The following TLN2 variants were observed in gnomAD, a reference collection of about 807,000 sequenced individuals.
TLN2 encodes talin-2.
TLN2 carries 118 observed loss-of-function variants against 294.7 expected under a neutral mutation model. The observed-to-expected ratio is 0.40, with a 90% CI of 0.34 to 0.47. The LOEUF (loss-of-function observed/expected upper bound fraction) is 0.47. Among genes scored for constraint, TLN2 ranks in the 20% least tolerant of loss-of-function variants. TLN2 has a pLI of 0.84. For missense variants in TLN2, 3,083 were observed against 3,282.2 expected (o/e 0.94, Z 1.48); for synonymous variants, 1,431 against 1,304.5 (o/e 1.10, Z -2.09).
chr15:62,434,938 C>CA (rs1207102412), intron 1 of TLN2, among the ~76,000 whole-genome samples: 1 of 152,208 alleles, frequency 6.6e-6, no homozygotes, highest in Non-Finnish European at 1.5e-5. Context: ...CCCCAGACCC[C>CA]AAAGTGTGTT....
intron 41 of TLN2, among the ~76,000 whole-genome samples, chr15:62,770,180 T>G (rs1295113105): frequency 6.6e-6 from 1 of 152,228 alleles, no homozygotes; most frequent in Non-Finnish European, 1.5e-5. Flanking sequence ...AAAGCCTCGG[T>G]ATCTTCATGT....
chr15:62,537,251 G>A (rs942734503), intron 1 of TLN2, among the ~76,000 whole-genome samples: 5 of 152,094 alleles, frequency 3.3e-5, no homozygotes, highest in African/African-American at 7.2e-5. Context: ...ATCTGACCTC[G>A]TGATCCGCCC....
At chr15:62,686,893 T>G in intron 12 of TLN2, 97 bp downstream of exon 12, 2 of 1,496,552 alleles carry the variant, frequency 1.3e-6, no homozygotes, top group Non-Finnish European at 1.8e-6. Flanking sequence ...TGGGTTTCTC[T>G]GGCCTGGGAG....
chr15:62,742,253 G>T (rs1288929097), intron 32 of TLN2, among the ~76,000 whole-genome samples: 2 of 152,134 alleles, frequency 1.3e-5, no homozygotes, highest in African/African-American at 4.8e-5. Flanking sequence ...TCCCTTGATG[G>T]TGGGAGAGAT....
chr15:62,716,049 G>A (rs1351261959), intron 22 of TLN2, among the ~76,000 whole-genome samples: 1 of 152,106 alleles, frequency 6.6e-6, no homozygotes, highest in Non-Finnish European at 1.5e-5. Context: ...TTAAACCATG[G>A]GTTTCTGTCC....
intron 2 of TLN2, among the ~76,000 whole-genome samples, chr15:62,614,179 A>G (rs553203663): frequency 1.3e-4 from 20 of 152,328 alleles, no homozygotes; most frequent in Admixed American, 5.9e-4. Context: ...CAAAAAACCA[A>G]TAGGTTTTGC....
chr15:62,523,912 T>TA (rs1205954227), intron 1 of TLN2, among the ~76,000 whole-genome samples: 1 of 152,202 alleles, frequency 6.6e-6, no homozygotes, highest in Admixed American at 6.5e-5. Context: ...GTATTGAACA[T>TA]ACCGATCCCA....
At chr15:62,617,219 G>C (rs2048381624) in intron 2 of TLN2, among the ~76,000 whole-genome samples, 1 of 151,858 alleles carries the variant, frequency 6.6e-6, no homozygotes. Context: ...TACAGCAGCT[G>C]ACACATGTCC....
chr15:62,582,326 G>A (rs1012653462), intron 1 of TLN2, among the ~76,000 whole-genome samples: 4 of 151,572 alleles, frequency 2.6e-5, no homozygotes, highest in African/African-American at 9.7e-5. Context: ...CAGTTTCTTG[G>A]AGTCACTATT....
chr15:62,753,618 C>T (rs535598046), intron 35 of TLN2, among the ~76,000 whole-genome samples, 155 bp from the exon 36 acceptor site: 1 of 152,348 alleles, frequency 6.6e-6, no homozygotes, highest in South Asian at 2.1e-4. Context: ...TTCATTATTA[C>T]ACCCTTATTG....
At chr15:62,434,047 C>T (rs1442835582) in intron 1 of TLN2, among the ~76,000 whole-genome samples, 3 of 137,682 alleles carry the variant, frequency 2.2e-5, no homozygotes, top group Non-Finnish European at 4.6e-5. Flanking sequence ...GTCCTCCTTT[C>T]TTTTTAATAC....
intron 1 of TLN2, among the ~76,000 whole-genome samples, chr15:62,510,796 A>G (rs2039892096): frequency 6.6e-6 from 1 of 152,230 alleles, no homozygotes; most frequent in African/African-American, 2.4e-5. Context: ...ACTCTCTGAG[A>G]ATTAATAGAA....
chr15:62,576,894 G>A (rs2044467275), intron 1 of TLN2, among the ~76,000 whole-genome samples: 1 of 152,122 alleles, frequency 6.6e-6, no homozygotes, highest in Admixed American at 6.6e-5. Context: ...TCATGTAGGC[G>A]AGTGGAGTAG....
intron 1 of TLN2, among the ~76,000 whole-genome samples, chr15:62,457,564 C>A (rs1031131904): frequency 8.5e-5 from 13 of 152,128 alleles, no homozygotes; most frequent in African/African-American, 2.4e-5. Context: ...GGCAGAAGTG[C>A]CTTTTCCAGT....
chr15:62,485,923 A>C lies in TLN2; in HGVS notation c.-238+95238A>C, dbSNP rs111935894. On this transcript the variant is annotated intron_variant, in intron 1 of 58. Transcript: ENST00000636159. The stretch of plus-strand genomic sequence containing the variant: ...TGGGGTGCTTTGCTTTATTTAACAG[A>C]CGTTACTGTGGAAACACTTGGTGCA... 2.6e-3 allele frequency among the ~76,000 whole-genome samples: 399 copies of C among 152,130 alleles called. 2 individuals are homozygous for C. Among genetic ancestry groups the C allele is most frequent in the African/African-American group, 9.0e-3 (372 of 41,484 alleles).
At chr15:62,835,540 C>G in intron 55 of TLN2, 197 bp from the exon 56 acceptor site, 1 of 614,564 alleles carries the variant, frequency 1.6e-6, no homozygotes, top group Non-Finnish European at 2.9e-6. Context: ...CGAAACCTGC[C>G]AGGATGTGCT....
chr15:62,585,193 T>G (rs373862462), intron 1 of TLN2, among the ~76,000 whole-genome samples: 5 of 152,320 alleles, frequency 3.3e-5, no homozygotes, highest in African/African-American at 1.2e-4. Context: ...CTGTGGGGAT[T>G]ACGCCAAGTA....
At chr15:62,547,190 T>A (rs1370031408) in intron 1 of TLN2, among the ~76,000 whole-genome samples, 1 of 152,226 alleles carries the variant, frequency 6.6e-6, no homozygotes, top group African/African-American at 2.4e-5. Context: ...TTTAAAATTT[T>A]TCAGCCCTTT....
rs777972402 is a variant in TLN2 at position 62,819,496 on chromosome 15, G to A, written c.6772-20G>A. ...TGGTTACTATCCCCCTCATGCCTCT[G>A]ACTTGTTCTTCACCTGTAGATTCTT... On this transcript the variant is annotated intron_variant, in intron 52 of 58. Transcript: ENST00000636159. 6.2e-6 allele frequency: 10 copies of A among 1,604,602 alleles called. No individual in the cohort carries two copies. In the South Asian group the frequency reaches 7.7e-5, roughly 12 times the overall value.
Sources: gnomAD v4.1 joint callset for allele counts (sites outside exome capture counted in the v4.1 genomes callset) on GRCh38, gnomAD v4.1.1 for gene constraint, MANE v1.5 for transcripts, NCBI Gene and HGNC (gene_info 2026-07-23, HGNC 2026-07-21) for gene names.